CHST3: variants seen among roughly 807,000 people sequenced by gnomAD.
CHST3 encodes the protein carbohydrate sulfotransferase 3, also known as C6ST-1.
In CHST3, 20 loss-of-function variants were observed where a neutral mutation model predicts 35.4. That is an observed-to-expected ratio of 0.57 (90% confidence interval 0.40 to 0.82). CHST3 has a LOEUF of 0.82. Among genes scored for constraint, CHST3 ranks in the 40% least tolerant of loss-of-function variants. CHST3 has a pLI of 0.00. For missense variants in CHST3, 693 were observed against 670.1 expected, an observed-to-expected ratio of 1.03 and a Z score of -0.38; for synonymous variants, 334 against 295.9, an observed-to-expected ratio of 1.13 and a Z score of -1.32.
chr10:72,010,430 T>A lies in CHST3; in HGVS notation c.*1959T>A, dbSNP rs1293297757. Reference sequence around the variant, plus strand: ...GAAGTACAGGATCTGAGTCCAACATTGCCATGGGGGAGGGAAGAGTGTGTC... The same window carrying A: ...GAAGTACAGGATCTGAGTCCAACATAGCCATGGGGGAGGGAAGAGTGTGTC... On this transcript the variant is annotated 3_prime_UTR_variant, in exon 3 of 3. Coordinates refer to ENST00000373115, the MANE Select transcript of CHST3 (RefSeq NM_004273.5). The A allele has an allele frequency of 6.6e-6, 1 of 152,078 alleles. No individual in the cohort carries two copies. The highest frequency in any genetic ancestry group is 2.4e-5 in the African/African-American group (1 of 41,346). The allele number at this position is 152,078 out of a possible 1,614,324, so 9.4% of individuals were successfully genotyped here. A position where few individuals can be genotyped will look rare whatever the true frequency, so the allele number is the denominator to read the frequency against.
intron 1 of CHST3, among the ~76,000 whole-genome samples, chr10:71,987,930 G>A (rs1427428070): frequency 2.0e-5 from 3 of 152,136 alleles, no homozygotes; most frequent in Non-Finnish European, 4.4e-5. Context: ...CAGAAATCCT[G>A]TAATGGAGCC....
chr10:72,003,182 A>G (rs1267205397), intron 1 of CHST3, among the ~76,000 whole-genome samples: 1 of 152,192 alleles, frequency 6.6e-6, no homozygotes, highest in Non-Finnish European at 1.5e-5. Flanking sequence ...GCACAGAGAA[A>G]TATGCACTCA....
chr10:71,985,074 G>C (rs1349492464), intron 1 of CHST3, among the ~76,000 whole-genome samples: 1 of 152,230 alleles, frequency 6.6e-6, no homozygotes, highest in Non-Finnish European at 1.5e-5. Flanking sequence ...GCAAAGTCCA[G>C]TGAGCCGTTC....
Position 72,007,451 on chromosome 10 carries a change from C to T in CHST3, c.420C>T (p.Thr140=), listed in dbSNP as rs765236165. ...GGCGCCACGTGCTGCTCATGGCCAC[C>T]ACGCGCACCGGCTCCTCGTTCGTGG... is the stretch of plus-strand genomic sequence containing the variant. ...GPRRHVLLMA[T]TRTGSSFVGE... is the part of the protein sequence containing the mutation. Residue 140 remains threonine (T), a synonymous_variant, in exon 3 of 3, where the codon ACC becomes ACT. Transcript: ENST00000373115. The T allele has an allele frequency of 1.2e-6, 2 of 1,603,410 alleles. No individual in the cohort carries two copies.
At chr10:71,967,280 C>T (rs1839641000) in intron 1 of CHST3, among the ~76,000 whole-genome samples, 1 of 152,200 alleles carries the variant, frequency 6.6e-6, no homozygotes, top group Non-Finnish European at 1.5e-5. Context: ...GTCTGACACA[C>T]TGCACAGGCC....
At chr10:71,968,478 C>A (rs1309821444) in intron 1 of CHST3, among the ~76,000 whole-genome samples, 1 of 152,140 alleles carries the variant, frequency 6.6e-6, no homozygotes, top group Admixed American at 6.5e-5. Flanking sequence ...TGTGCAGAGG[C>A]TCTTTAGTTT....
chr10:71,965,896 T>G (rs2131733536), intron 1 of CHST3, among the ~76,000 whole-genome samples: 1 of 152,202 alleles, frequency 6.6e-6, no homozygotes, highest in Non-Finnish European at 1.5e-5. Flanking sequence ...TGGGCTGGCC[T>G]TGGGAGACTG....
chr10:71,998,028 C>A lies in CHST3; in HGVS notation c.-107-7708C>A, dbSNP rs191503016. Reference sequence around the variant, plus strand: ...GTGGCACGTGCCTGTGCTCCCAGCTCCTTGGGAAGCTGAGGTGGGAGGATT... The same window carrying A: ...GTGGCACGTGCCTGTGCTCCCAGCTACTTGGGAAGCTGAGGTGGGAGGATT... On this transcript the variant is annotated intron_variant, in intron 1 of 2. Coordinates refer to ENST00000373115, the MANE Select transcript of CHST3 (RefSeq NM_004273.5). 5.3e-5 allele frequency among the ~76,000 whole-genome samples: 8 copies of A among 152,220 alleles called. No homozygotes were observed. In the East Asian group the frequency reaches 9.7e-4, roughly 18 times the overall value.
intron 1 of CHST3, among the ~76,000 whole-genome samples, chr10:71,984,503 G>A (rs1229044724): frequency 2.0e-5 from 3 of 152,198 alleles, no homozygotes; most frequent in Admixed American, 6.5e-5. Flanking sequence ...GACAGGTCCT[G>A]AAAGATCAGT....
chr10:72,003,120 C>G (rs1840008594), intron 1 of CHST3, among the ~76,000 whole-genome samples: 1 of 152,208 alleles, frequency 6.6e-6, no homozygotes, highest in Non-Finnish European at 1.5e-5. Flanking sequence ...GTTGCTGCCT[C>G]ACAGGGCTTT....
At chr10:71,967,540 A>T (rs1839643776) in intron 1 of CHST3, among the ~76,000 whole-genome samples, 1 of 152,204 alleles carries the variant, frequency 6.6e-6, no homozygotes, top group Admixed American at 6.5e-5. Context: ...ATTTCATGGT[A>T]TATATGTACC....
intron 1 of CHST3, among the ~76,000 whole-genome samples, chr10:71,969,580 G>T (rs1204321149): frequency 2.6e-5 from 4 of 152,210 alleles, no homozygotes; most frequent in African/African-American, 4.8e-5. Context: ...AGCCCACCTG[G>T]GTGAGTTCTT....
intron 1 of CHST3, among the ~76,000 whole-genome samples, chr10:71,992,973 T>C (rs1839911848): frequency 2.6e-5 from 4 of 152,190 alleles, no homozygotes; most frequent in Admixed American, 2.6e-4. Context: ...ATTTATAGAA[T>C]ATTCTAAATC....
intron 1 of CHST3, among the ~76,000 whole-genome samples, chr10:71,997,301 A>G (rs1450634130): frequency 1.3e-5 from 2 of 152,136 alleles, no homozygotes; most frequent in Admixed American, 6.5e-5. Flanking sequence ...GTGAGATTGT[A>G]TAGTATTTCT....
intron 1 of CHST3, among the ~76,000 whole-genome samples, chr10:71,976,854 G>A (rs529439212): frequency 1.2e-4 from 18 of 152,242 alleles, no homozygotes; most frequent in African/African-American, 3.9e-4. Flanking sequence ...TTTTATTTTG[G>A]TTTTAGTTTT....
In CHST3 at chr10:72,012,234, A is replaced by G. The variant is rs1564534523; in HGVS notation, c.*3763A>G. On this transcript the variant is annotated 3_prime_UTR_variant, in exon 3 of 3. Coordinates refer to ENST00000373115, the MANE Select transcript of CHST3 (RefSeq NM_004273.5). The stretch of plus-strand genomic sequence containing the variant: ...ATCTCTGCCATCTGTCTGTCTGGCA[A>G]TGGAAGGAGCTTCAGCAGGAGGTCC... 6.6e-6 allele frequency: 1 copy of G among 152,178 alleles called. No individual in the cohort carries two copies. Among genetic ancestry groups the G allele is most frequent in the Non-Finnish European group, 1.5e-5 (1 of 68,064 alleles). 9.4% of individuals were successfully genotyped at this position (152,178 alleles called of 1,614,324 possible).
In CHST3 at chr10:72,008,067, G is replaced by A; in HGVS notation, c.1036G>A (p.Glu346Lys). Residue 346 changes from glutamate to lysine, a missense_variant, in exon 3 of 3, where the codon GAG (glutamate) becomes AAG (lysine). Physicochemically the swap from Glu to Lys is moderately conservative, Grantham distance 56 (BLOSUM62 1). Coordinates refer to ENST00000373115, the MANE Select transcript of CHST3 (RefSeq NM_004273.5). ...GGTGCAGCGGCTGCGGGGCAACTGC[G>A]AGAGCATCCGCCTGTCCGCGGAGCT... Reference protein sequence around the residue: ...EEVQRLRGNCESIRLSAELGL... With the variant: ...EEVQRLRGNCKSIRLSAELGL... 6.5e-7 allele frequency: 1 copy of A among 1,546,620 alleles called. No homozygotes were observed. Among genetic ancestry groups the A allele is most frequent in the South Asian group, 1.2e-5 (1 of 83,826 alleles).
chr10:71,976,455 A>AC (rs1839746747), intron 1 of CHST3, among the ~76,000 whole-genome samples: 1 of 151,980 alleles, frequency 6.6e-6, no homozygotes, highest in Non-Finnish European at 1.5e-5. Context: ...TCTGGCCCCT[A>AC]CCCCAAGGAT....
At chr10:72,004,245 A>G (rs774016756) in intron 1 of CHST3, among the ~76,000 whole-genome samples, 2 of 152,128 alleles carry the variant, frequency 1.3e-5, no homozygotes, top group African/African-American at 2.4e-5. Flanking sequence ...TTGTTCACCA[A>G]CTGTGTATCT....
Sources: allele counts gnomAD v4.1 joint callset (sites outside exome capture counted in the v4.1 genomes callset), GRCh38; gene constraint gnomAD v4.1.1; transcripts MANE v1.5; gene names NCBI Gene and HGNC (gene_info 2026-07-23, HGNC 2026-07-21).